Variants in MYCBP2 observed in about 807,000 individuals in gnomAD.
MYCBP2 encodes MYC binding protein 2.
Under a neutral mutation model 525.3 loss-of-function variants are expected in MYCBP2, and 120 were observed. The observed-to-expected ratio is 0.23, with a 90% CI of 0.20 to 0.27. The LOEUF (loss-of-function observed/expected upper bound fraction) is 0.27. Ranked by LOEUF, MYCBP2 falls within the 10% of genes least tolerant of loss-of-function variation. MYCBP2 has a pLI of 1.00. For missense variants in MYCBP2, 4,149 were observed against 5,657.1 expected, an observed-to-expected ratio of 0.73 and a Z score of 8.55; for synonymous variants, 1,894 against 1,955.8, an observed-to-expected ratio of 0.97 and a Z score of 0.83.
Position 77,098,495 on chromosome 13 carries a change from G to A in MYCBP2, c.8659C>T (p.Pro2887Ser), listed in dbSNP as rs1379385302. The change falls in exon 56 of 83, where the codon CCC (proline) becomes TCC (serine). Residue 2887 changes from proline to serine, a missense_variant. By Grantham distance (74) the Pro-to-Ser change is moderately conservative. This residue lies in a region of MYCBP2 where 653 missense variants were observed against 744.7 expected (regional missense o/e 0.88). Transcript: ENST00000544440. ...CGTCCTCTCAAAGGTTCTGTGAGGG[G>A]CATTTTCTTCTTGCGGAGGGTATCT... ...DPDTLRKKKMPLTEPLRGRST... is the reference protein window; with the variant it reads ...DPDTLRKKKMSLTEPLRGRST... 1.2e-6 allele frequency: 2 copies of A among 1,613,676 alleles called. No homozygotes were observed. The highest frequency in any genetic ancestry group is 2.2e-5 in the South Asian group (2 of 91,060).
At chr13:77,095,670 G>C in intron 57 of MYCBP2, 68 bp from the exon 58 acceptor site, 1 of 1,521,878 alleles carries the variant, frequency 6.6e-7, no homozygotes, top group South Asian at 1.3e-5. Context: ...CTTAAGCTAA[G>C]TATTTTGAGT....
In MYCBP2 at chr13:77,326,717, T is replaced by A. The variant is rs1360379028; in HGVS notation, c.59A>T (p.Asp20Val). 7.1e-7 allele frequency: 1 copy of A among 1,409,082 alleles called. No homozygotes were observed. Among genetic ancestry groups the A allele is most frequent in the Non-Finnish European group, 9.1e-7 (1 of 1,093,902 alleles). The allele number at this position is 1,409,082 out of a possible 1,614,324, so 87.3% of individuals were successfully genotyped here. The change falls in exon 1 of 83, where the codon GAC (aspartate) becomes GTC (valine). Residue 20 changes from aspartate to valine, a missense_variant. Coordinates refer to ENST00000544440, the MANE Select transcript of MYCBP2 (RefSeq NM_015057.5). This position sits in a 1 kb window ranked among gnomAD's most constrained non-coding sequence, Gnocchi z 4.2. ...PAAASSGLGG[D>V]GFYPAATFSS... ...GAAGGTGGCGGCTGGGTAGAATCCG[T>A]CCCCGCCGAGCCCCGAGGAGGCGGC...
At chr13:77,266,210 G>A (rs1340898704) in intron 8 of MYCBP2, among the ~76,000 whole-genome samples, 1 of 152,110 alleles carries the variant, frequency 6.6e-6, no homozygotes, top group Non-Finnish European at 1.5e-5. Flanking sequence ...GTGTTATAGC[G>A]GATGGGATGT....
intron 79 of MYCBP2, among the ~76,000 whole-genome samples, chr13:77,056,106 G>GTGTGTGTGTA (rs1420758852): frequency 1.6e-4 from 15 of 93,610 alleles, no homozygotes; most frequent in African/African-American, 5.5e-4. Context: ...TTTGGTGTGT[G>GTGTGTGTGTA]TGTGTGTGTG....
At chr13:77,302,703 G>A (rs924799816) in intron 1 of MYCBP2, among the ~76,000 whole-genome samples, 5 of 152,094 alleles carry the variant, frequency 3.3e-5, no homozygotes, top group Admixed American at 3.3e-4. Context: ...CATGCTAAAA[G>A]GACAGAAAAA....
chr13:77,185,721 TA>T, intron 31 of MYCBP2, 149 bp downstream of exon 31: 1 of 591,926 alleles, frequency 1.7e-6, no homozygotes. Flanking sequence ...AGCAAATACA[TA>T]AGCATCATAG....
Position 77,164,435 on chromosome 13 carries a change from C to T in MYCBP2, c.6547+19G>A. On this transcript the variant is annotated intron_variant, in intron 43 of 82. Coordinates refer to ENST00000544440, the MANE Select transcript of MYCBP2 (RefSeq NM_015057.5). ...AAACAAAACCCTATCAAAAAACATC[C>T]AGTATTGGCCACACTTACCAATAGG... The T allele has an allele frequency of 3.3e-6, 5 of 1,523,356 alleles. No individual in the cohort carries two copies. The highest frequency in any genetic ancestry group is 3.6e-6 in the Non-Finnish European group (4 of 1,099,520). The allele number at this position is 1,523,356 out of a possible 1,614,324, so 94.4% of individuals were successfully genotyped here.
intron 26 of MYCBP2, among the ~76,000 whole-genome samples, chr13:77,202,364 T>C (rs1398217400): frequency 2.0e-5 from 3 of 152,220 alleles, no homozygotes; most frequent in Non-Finnish European, 4.4e-5. Flanking sequence ...AATCTCTGAA[T>C]AGACCAATAA....
intron 35 of MYCBP2, among the ~76,000 whole-genome samples, chr13:77,176,921 G>A (rs60402163): frequency 0.029 from 4,478 of 152,052 alleles, 96 homozygotes; most frequent in East Asian, 0.053. Context: ...AAATTAACTA[G>A]TGAAAGGAAT....
intron 1 of MYCBP2, among the ~76,000 whole-genome samples, chr13:77,298,802 A>G (rs763510515): frequency 6.6e-6 from 1 of 152,164 alleles, no homozygotes; most frequent in Non-Finnish European, 1.5e-5. Flanking sequence ...GTAAAGAGAA[A>G]GAGAAAGATT....
rs1480934418 is a variant in MYCBP2, at chr13:77,270,403, C to T, written c.1081G>A (p.Val361Ile). 1.9e-6 allele frequency: 3 copies of T among 1,613,714 alleles called. No individual in the cohort carries two copies. Among genetic ancestry groups the T allele is most frequent in the Admixed American group, 1.7e-5 (1 of 60,006 alleles). The change falls in exon 6 of 83, where the codon GTT (valine) becomes ATT (isoleucine). Residue 361 changes from valine to isoleucine, a missense_variant. Around this residue, in one of 21 missense-constraint regions of MYCBP2, gnomAD observed 413 missense variants for 451.2 expected, o/e 0.92. Coordinates refer to ENST00000544440, the MANE Select transcript of MYCBP2 (RefSeq NM_015057.5). ...AGTAGACATTGGTCATCTTCATCAACAGATATTTCTTTTAATGGCCACTTG... is the reference window on the plus strand; with the variant it reads ...AGTAGACATTGGTCATCTTCATCAATAGATATTTCTTTTAATGGCCACTTG... The part of the protein sequence containing the change: ...MHKWPLKEIS[V>I]DEDDQCLLQN...
chr13:77,045,019 A>AT lies in MYCBP2; in HGVS notation c.*358dup. 2.5e-6 allele frequency: 1 copy of AT among 404,226 alleles called. No homozygotes were observed. The allele number at this position is 404,226 out of a possible 1,614,324, so 25.0% of individuals were successfully genotyped here. A position where few individuals can be genotyped will look rare whatever the true frequency, so the allele number is the denominator to read the frequency against. On this transcript the variant is annotated 3_prime_UTR_variant, in exon 83 of 83. Transcript: ENST00000544440. ...AGGCAGTATACAATAAACAATGATT[A>AT]TTTTTCTTTTTTGCTTGAAAGCCAG...
Position 77,189,062 on chromosome 13 carries a change from C to CA in MYCBP2, c.4155-16dup. 6.4e-7 allele frequency: 1 copy of CA among 1,563,350 alleles called. No homozygotes were observed. Among genetic ancestry groups the CA allele is most frequent in the Non-Finnish European group, 8.7e-7 (1 of 1,151,836 alleles). The stretch of plus-strand genomic sequence containing the variant: ...TGGTTGGAAGTCTAAAGGCAGTAGA[C>CA]ACATATAAAATTATGTTAGAAAGTC... On this transcript the variant is annotated splice_polypyrimidine_tract_variant and intron_variant, in intron 29 of 82. Transcript: ENST00000544440.
At chr13:77,224,226 T>A (rs768861901) in intron 20 of MYCBP2, among the ~76,000 whole-genome samples, 6 of 152,180 alleles carry the variant, frequency 3.9e-5, no homozygotes, top group East Asian at 3.8e-4. Flanking sequence ...AAAATATATA[T>A]CAGCTTTTCT....
intron 47 of MYCBP2, among the ~76,000 whole-genome samples, chr13:77,146,759 T>C (rs1056783907): frequency 3.3e-5 from 5 of 152,140 alleles, no homozygotes; most frequent in African/African-American, 1.2e-4. Flanking sequence ...TCAAATTGTG[T>C]TGGTAAGAAC....
intron 73 of MYCBP2, 95 bp from the exon 74 acceptor site, chr13:77,062,792 C>A: frequency 1.0e-6 from 1 of 964,058 alleles, no homozygotes; most frequent in South Asian, 1.4e-5. Flanking sequence ...TAAATGCTGG[C>A]TGATTTTGAA....
intron 1 of MYCBP2, among the ~76,000 whole-genome samples, chr13:77,312,267 T>C (rs1405227700): frequency 1.3e-5 from 2 of 152,160 alleles, no homozygotes. Flanking sequence ...AAGGAAATGC[T>C]GCATCTTCAG....
rs866486284 is a variant in MYCBP2, at chr13:77,156,173, G to A, written c.6800C>T (p.Pro2267Leu). Residue 2267 changes from proline to leucine, a missense_variant, in exon 46 of 83, where the codon CCT becomes CTT. Pro to Leu is a moderately conservative substitution (Grantham distance 98). Transcript: ENST00000544440. ...RWLQPDSYAD[P>L]QKTSLILNKD... ...ATTCAGGATCAAAGATGTTTTCTGA[G>A]GATCCGCATATGAATCTGGCTGAAG... The A allele has an allele frequency of 6.2e-7, 1 of 1,613,662 alleles. No homozygotes were observed.
chr13:77,224,227 C>A (rs2154294992), intron 20 of MYCBP2, among the ~76,000 whole-genome samples: 1 of 152,158 alleles, frequency 6.6e-6, no homozygotes, highest in African/African-American at 2.4e-5. Flanking sequence ...AAATATATAT[C>A]AGCTTTTCTC....
Sources: gnomAD v4.1 joint callset for allele counts (sites outside exome capture counted in the v4.1 genomes callset) on GRCh38, gnomAD v4.1.1 for gene constraint, gnomAD v4.1.1 regional missense constraint, Gnocchi (gnomAD v3.1) non-coding constraint, MANE v1.5 for transcripts, NCBI Gene and HGNC (gene_info 2026-07-23, HGNC 2026-07-21) for gene names.